Variants in DEFB112 observed in about 807,000 individuals in gnomAD.
The protein encoded by DEFB112 is beta-defensin 112.
DEFB112 carries 2 observed loss-of-function variants against 1.1 expected under a neutral mutation model. That is an observed-to-expected ratio of 1.85 (90% confidence interval 0.76 to 5.83). DEFB112 has a LOEUF of 5.83. DEFB112 is among the 30% of genes most tolerant of loss of function. The pLI is 0.05. For synonymous variants in DEFB112, 40 were observed against 31.2 expected (o/e 1.28, Z -0.93); for missense variants, 120 against 94.4 (o/e 1.27, Z -1.12).
intron 1 of DEFB112, among the ~76,000 whole-genome samples, chr6:50,046,716 C>G (rs1361752272): frequency 6.6e-6 from 1 of 151,966 alleles, no homozygotes; most frequent in African/African-American, 2.4e-5. Flanking sequence ...AAGCCCTTTG[C>G]TAGTTATATA....
chr6:50,049,037 CT>C (rs1774885701), intron 1 of DEFB112, among the ~76,000 whole-genome samples: 1 of 151,988 alleles, frequency 6.6e-6, no homozygotes, highest in Non-Finnish European at 1.5e-5. Context: ...AATGAGCACA[CT>C]TTAATTAATT....
intron 1 of DEFB112, chr6:50,048,786 T>A (rs990588281): frequency 1.7e-6 from 1 of 598,172 alleles, no homozygotes; most frequent in Non-Finnish European, 2.9e-6. Flanking sequence ...TTATAAAAGG[T>A]TTTACAAAAT....
intron 1 of DEFB112, among the ~76,000 whole-genome samples, chr6:50,045,855 T>C (rs1400660396): frequency 6.6e-6 from 1 of 152,138 alleles, no homozygotes; most frequent in African/African-American, 2.4e-5. Context: ...CACATGACTG[T>C]TTATACTGAT....
rs2113956245 is a variant in DEFB112 at position 50,043,470 on chromosome 6, A to T, written c.*105T>A. 1.5e-6 allele frequency: 1 copy of T among 687,820 alleles called. No homozygotes were observed. The highest frequency in any genetic ancestry group is 2.7e-5 in the East Asian group (1 of 36,396). The allele number at this position is 687,820 out of a possible 1,614,324, so 42.6% of individuals were successfully genotyped here. ...TGAAATATATTTTATTTAATTATTT[A>T]TTCATTATAGGTATGCATGCATGGA... On this transcript the variant is annotated 3_prime_UTR_variant, in exon 2 of 2. Coordinates refer to ENST00000651554, the MANE Select transcript of DEFB112 (RefSeq NM_001369057.2).
Position 50,043,735 on chromosome 6 carries a change from C to T in DEFB112, c.125G>A (p.Cys42Tyr). Residue 42 changes from cysteine to tyrosine, a missense_variant, in exon 2 of 2, where the codon TGT becomes TAT. By Grantham distance (194) the Cys-to-Tyr change is radical. Transcript: ENST00000651554. ...TTCACTATCATCACATTGATTTTTA[C>T]ATCGACCTCCAATCGCTGTACATGA... The part of the protein sequence containing the change: ...WKSCTAIGGR[C>Y]KNQCDDSEFR... 6.2e-7 allele frequency: 1 copy of T among 1,613,470 alleles called. No individual in the cohort carries two copies. The highest frequency in any genetic ancestry group is 8.5e-7 in the Non-Finnish European group (1 of 1,179,548).
chr6:50,047,242 T>C (rs1054493206), intron 1 of DEFB112, among the ~76,000 whole-genome samples: 2 of 152,190 alleles, frequency 1.3e-5, no homozygotes, highest in African/African-American at 4.8e-5. Flanking sequence ...AGATCCGGCC[T>C]GGTGCCAGAG....
intron 1 of DEFB112, among the ~76,000 whole-genome samples, chr6:50,044,683 T>C (rs1774804648): frequency 6.6e-6 from 1 of 151,960 alleles, no homozygotes; most frequent in East Asian, 1.9e-4. Flanking sequence ...ATATAATAAT[T>C]TTTAAATTAA....
rs9473734 is a variant in DEFB112, at chr6:50,049,842, A to T, written c.28T>A (p.Leu10Met). The change falls in exon 1 of 2, where the codon TTG (leucine) becomes ATG (methionine). Residue 10 changes from leucine (L) to methionine (M), a missense_variant. By Grantham distance (15) the Leu-to-Met change is conservative. Transcript: ENST00000651554. The part of the protein sequence containing the change: MKILLFFCI[L>M]LFFGVLIPPA... ...GGAATAAGGACTCCAAAGAAAAGCAAAATACAGAAAAAGAGAAGGATCTTC... is the reference window on the plus strand; with the variant it reads ...GGAATAAGGACTCCAAAGAAAAGCATAATACAGAAAAAGAGAAGGATCTTC... 0.015 allele frequency among the ~76,000 whole-genome samples: 2,242 copies of T among 152,218 alleles called. 57 individuals carry two copies. The highest frequency in any genetic ancestry group is 0.051 in the African/African-American group (2,133 of 41,538).
rs1774772569 is a variant in DEFB112 at position 50,043,110 on chromosome 6, G to T, written c.*465C>A. On this transcript the variant is annotated 3_prime_UTR_variant, in exon 2 of 2. Transcript: ENST00000651554. ...AATTCTTTCAAAAAAGAGAGAAAAA[G>T]TATAACCAGGAAGTATAAGCAATAT... 6.6e-6 allele frequency among the ~76,000 whole-genome samples: 1 copy of T among 151,906 alleles called. No individual in the cohort carries two copies. Among genetic ancestry groups the T allele is most frequent in the Non-Finnish European group, 1.5e-5 (1 of 67,916 alleles).
intron 1 of DEFB112, among the ~76,000 whole-genome samples, chr6:50,049,544 C>T (rs770259263): frequency 3.9e-5 from 6 of 152,030 alleles, no homozygotes; most frequent in South Asian, 4.1e-4. Flanking sequence ...GTGAAATCAA[C>T]GTAGCATTAT....
intron 1 of DEFB112, chr6:50,048,745 T>C: frequency 2.5e-6 from 2 of 814,636 alleles, no homozygotes; most frequent in Non-Finnish European, 2.0e-6. Context: ...AGGACACAAA[T>C]GTAGTTGCCT....
At chr6:50,044,414 T>C (rs1561999164) in intron 1 of DEFB112, among the ~76,000 whole-genome samples, 1 of 152,108 alleles carries the variant, frequency 6.6e-6, no homozygotes, top group East Asian at 1.9e-4. Flanking sequence ...AATTTTCTAG[T>C]TCTACTTTGC....
intron 1 of DEFB112, among the ~76,000 whole-genome samples, chr6:50,048,144 T>C (rs967488778): frequency 2.8e-5 from 4 of 145,306 alleles, no homozygotes. Context: ...TGAAACTCCG[T>C]CTCAAAAAAA....
rs754936438 is a variant in DEFB112, at chr6:50,042,288, T to A, written c.*1287A>T. ...GTCAGAGAGCATAGTATTATACATATCAGGAATATCATATATAATTTGGAC... is the reference window on the plus strand; with the variant it reads ...GTCAGAGAGCATAGTATTATACATAACAGGAATATCATATATAATTTGGAC... On this transcript the variant is annotated 3_prime_UTR_variant, in exon 2 of 2. Transcript: ENST00000651554. 2.0e-5 allele frequency among the ~76,000 whole-genome samples: 3 copies of A among 151,960 alleles called. No homozygotes were observed. Among genetic ancestry groups the A allele is most frequent in the African/African-American group, 7.2e-5 (3 of 41,398 alleles).
intron 1 of DEFB112, chr6:50,048,561 G>A (rs927741020): frequency 3.7e-6 from 6 of 1,613,396 alleles, no homozygotes; most frequent in Admixed American, 1.7e-5. Context: ...TCTGTCCCAT[G>A]TCGGGCCTTT....
chr6:50,044,820 A>T (rs1774806905), intron 1 of DEFB112, among the ~76,000 whole-genome samples: 1 of 152,104 alleles, frequency 6.6e-6, no homozygotes, highest in South Asian at 2.1e-4. Flanking sequence ...CCAAGTCCTT[A>T]TCACTGATGT....
chr6:50,048,196 A>G (rs1774867343), intron 1 of DEFB112, among the ~76,000 whole-genome samples: 2 of 152,238 alleles, frequency 1.3e-5, no homozygotes, highest in South Asian at 4.1e-4. Context: ...AGGGAAACTG[A>G]GACAACAGTA....
intron 1 of DEFB112, among the ~76,000 whole-genome samples, chr6:50,048,369 C>T (rs1003925789): frequency 1.1e-4 from 17 of 152,044 alleles, no homozygotes; most frequent in African/African-American, 4.1e-4. Flanking sequence ...AGATTTCTTT[C>T]TTGTTTTAAA....
intron 1 of DEFB112, among the ~76,000 whole-genome samples, chr6:50,045,532 T>C (rs1774817312): frequency 6.6e-6 from 1 of 152,170 alleles, no homozygotes; most frequent in South Asian, 2.1e-4. Context: ...TAAATCTAGA[T>C]ATACACACAA....
Sources: gnomAD v4.1 joint callset for allele counts (sites outside exome capture counted in the v4.1 genomes callset) on GRCh38, gnomAD v4.1.1 for gene constraint, MANE v1.5 for transcripts, NCBI Gene and HGNC (gene_info 2026-07-23, HGNC 2026-07-21) for gene names.